WDR37: variants seen among roughly 807,000 people sequenced by gnomAD.
WDR37 encodes the protein WD repeat-containing protein 37.
WDR37 carries 19 observed loss-of-function variants against 62.9 expected under a neutral mutation model. The ratio of observed to expected loss-of-function variants is 0.30; its 90% CI spans 0.21 to 0.44. The LOEUF is 0.44. Ranked by LOEUF, WDR37 falls within the 20% of genes least tolerant of loss-of-function variation. The probability of loss-of-function intolerance (pLI) is 1.00; values close to 1 mark genes in which losing one functional copy is unlikely to be tolerated. For synonymous variants in WDR37, 250 were observed against 260.9 expected, an observed-to-expected ratio of 0.96 and a Z score of 0.40; for missense variants, 474 against 657.6, an observed-to-expected ratio of 0.72 and a Z score of 3.05.
chr10:1,059,752 G>A (rs182711461), intron 1 of WDR37, among the ~76,000 whole-genome samples: 80 of 151,938 alleles, frequency 5.3e-4, no homozygotes, highest in African/African-American at 1.8e-3. Context: ...GGTCGAGATC[G>A]CGCCACTGCA....
At chr10:1,077,182 G>A (rs987680664) in intron 2 of WDR37, among the ~76,000 whole-genome samples, 1 of 152,112 alleles carries the variant, frequency 6.6e-6, no homozygotes, top group African/African-American at 2.4e-5. Flanking sequence ...TGACTGGTGG[G>A]TCCAAGCAGT....
chr10:1,105,524 G>A lies in WDR37; in HGVS notation c.1103+257G>A, dbSNP rs548502374. Among the ~76,000 whole-genome samples, 3 of 152,306 alleles carry A rather than the reference G, an allele frequency of 2.0e-5. No homozygotes were observed. Among genetic ancestry groups the A allele is most frequent in the Non-Finnish European group, 4.4e-5 (3 of 68,022 alleles). On this transcript the variant is annotated intron_variant, in intron 11 of 13. Transcript: ENST00000263150. The surrounding 1 kb of genome is among the most constrained non-coding windows in gnomAD (Gnocchi z 5.3). ...TTTAATGCAGACAGAATGGGGGAGT[G>A]GGTGGAGAGGGTTAGAGAAGAGCAG... is the stretch of plus-strand genomic sequence containing the variant.
intron 9 of WDR37, among the ~76,000 whole-genome samples, chr10:1,096,865 G>A (rs1834599702): frequency 6.6e-6 from 1 of 152,228 alleles, no homozygotes; most frequent in Non-Finnish European, 1.5e-5. Context: ...TGAAGGCTCA[G>A]AGAGGAAAGG....
Position 1,103,928 on chromosome 10 carries a change from C to A in WDR37, c.961+92C>A. 1 of 1,253,662 alleles carries A rather than the reference C, an allele frequency of 8.0e-7. No homozygotes were observed. The highest frequency in any genetic ancestry group is 1.1e-6 in the Non-Finnish European group (1 of 891,446). 77.7% of individuals were successfully genotyped at this position (1,253,662 alleles called of 1,614,324 possible). On this transcript the variant is annotated intron_variant, in intron 10 of 13. Coordinates refer to ENST00000263150, the MANE Select transcript of WDR37 (RefSeq NM_014023.4). The surrounding 1 kb of genome is among the most constrained non-coding windows in gnomAD (Gnocchi z 6.3). The stretch of plus-strand genomic sequence containing the variant: ...CTGACCTTGCCACTTACTTCTTGAC[C>A]AGAATGAGTCTCTGTGTTCTTGGCT...
intron 11 of WDR37, among the ~76,000 whole-genome samples, chr10:1,122,454 C>T (rs1343178081): frequency 1.3e-5 from 2 of 152,158 alleles, no homozygotes; most frequent in Admixed American, 6.5e-5. Context: ...CAGGATCTGC[C>T]CACTCTGCCC....
intron 11 of WDR37, among the ~76,000 whole-genome samples, chr10:1,117,700 C>T (rs898712371): frequency 2.6e-5 from 4 of 152,210 alleles, no homozygotes; most frequent in East Asian, 3.9e-4. Flanking sequence ...CAGCATGATA[C>T]GCAGAGCGGG....
chr10:1,122,426 G>T (rs1417741087), intron 11 of WDR37, among the ~76,000 whole-genome samples: 2 of 152,190 alleles, frequency 1.3e-5, no homozygotes, highest in African/African-American at 4.8e-5. Flanking sequence ...TCTCTGAGAA[G>T]GCACTGCCCC....
chr10:1,101,023 A>G (rs1589107684), intron 9 of WDR37, among the ~76,000 whole-genome samples: 1 of 151,914 alleles, frequency 6.6e-6, no homozygotes, highest in East Asian at 1.9e-4. Context: ...TAGACCAAAC[A>G]CCTTTCCACC....
In WDR37 at chr10:1,100,845, G is replaced by C. The variant is rs368884077; in HGVS notation, c.727-2757G>C. Among the ~76,000 whole-genome samples the C allele has an allele frequency of 2.0e-5, 3 of 152,274 alleles. No homozygotes were observed. In the South Asian group the frequency reaches 6.2e-4, roughly 32 times the overall value. On this transcript the variant is annotated intron_variant, in intron 9 of 13. Coordinates refer to ENST00000263150, the MANE Select transcript of WDR37 (RefSeq NM_014023.4). ...CATCACCCCCTGCCTTCAAGGTGAC[G>C]TACCGAGTACCCCCCTGCTGCAGCC... is the stretch of plus-strand genomic sequence containing the variant.
chr10:1,058,379 C>G (rs1020756160), intron 1 of WDR37, among the ~76,000 whole-genome samples: 8 of 152,198 alleles, frequency 5.3e-5, no homozygotes, highest in Admixed American at 1.3e-4. Flanking sequence ...TTTCCCTCCT[C>G]CTCTTTTTGG....
intron 2 of WDR37, among the ~76,000 whole-genome samples, chr10:1,073,581 A>G (rs1278548045): frequency 6.6e-6 from 1 of 152,360 alleles, no homozygotes; most frequent in South Asian, 2.1e-4. Context: ...TTAGTGTATT[A>G]CTTTGCTAGG....
intron 2 of WDR37, among the ~76,000 whole-genome samples, chr10:1,075,122 G>A (rs1474263766): frequency 2.0e-5 from 3 of 152,098 alleles, no homozygotes; most frequent in Non-Finnish European, 4.4e-5. Context: ...GAGAACTGAT[G>A]GAAAAGGTTG....
Position 1,131,459 on chromosome 10 carries a change from C to T in WDR37, c.*2115C>T, listed in dbSNP as rs1454354119. The T allele has an allele frequency of 6.6e-6, 1 of 152,284 alleles. No homozygotes were observed. Among genetic ancestry groups the T allele is most frequent in the Non-Finnish European group, 1.5e-5 (1 of 68,060 alleles). The allele number at this position is 152,284 out of a possible 1,614,324, so 9.4% of individuals were successfully genotyped here. A position where few individuals can be genotyped will look rare whatever the true frequency, so the allele number is the denominator to read the frequency against. ...CCTAGTGGCCACTGAGTTCCAGGCA[C>T]ACTGGTGCCCTTTACTGCCACAGCT... On this transcript the variant is annotated 3_prime_UTR_variant, in exon 14 of 14. Transcript: ENST00000263150.
intron 9 of WDR37, among the ~76,000 whole-genome samples, chr10:1,101,043 C>G (rs1350701026): frequency 6.6e-6 from 1 of 152,206 alleles, no homozygotes; most frequent in East Asian, 1.9e-4. Flanking sequence ...CGTCTGAACG[C>G]CTGTATTGTT....
intron 9 of WDR37, among the ~76,000 whole-genome samples, chr10:1,097,850 T>C (rs572773204): frequency 1.3e-5 from 2 of 152,292 alleles, no homozygotes; most frequent in African/African-American, 4.8e-5. Flanking sequence ...ACTGTTGTAT[T>C]TTGGGAACAT....
intron 5 of WDR37, among the ~76,000 whole-genome samples, chr10:1,082,743 C>T (rs745868098): frequency 1.3e-5 from 2 of 152,172 alleles, no homozygotes; most frequent in African/African-American, 2.4e-5. Context: ...TATTTGAAAA[C>T]GGCACATGAT....
At chr10:1,076,569 C>T (rs1833883128) in intron 2 of WDR37, among the ~76,000 whole-genome samples, 1 of 151,674 alleles carries the variant, frequency 6.6e-6, no homozygotes, top group Non-Finnish European at 1.5e-5. Flanking sequence ...GTCCCAGCTA[C>T]TCAGGAGGCT....
chr10:1,060,988 T>C (rs1417924890), intron 1 of WDR37, among the ~76,000 whole-genome samples: 1 of 152,198 alleles, frequency 6.6e-6, no homozygotes, highest in Non-Finnish European at 1.5e-5. Flanking sequence ...TACTCTGCGA[T>C]GTTCCCACAG....
intron 11 of WDR37, among the ~76,000 whole-genome samples, chr10:1,117,622 CT>C (rs1445554287): frequency 1.3e-5 from 2 of 152,220 alleles, no homozygotes; most frequent in African/African-American, 4.8e-5. Context: ...AACTTCCTAA[CT>C]GTGAGGTACT....
Sources: gnomAD v4.1 joint callset for allele counts (sites outside exome capture counted in the v4.1 genomes callset) on GRCh38, gnomAD v4.1.1 for gene constraint, Gnocchi (gnomAD v3.1) non-coding constraint, MANE v1.5 for transcripts, NCBI Gene and HGNC (gene_info 2026-07-23, HGNC 2026-07-21) for gene names.